XKR6: variants seen among roughly 807,000 people sequenced by gnomAD.
XKR6 encodes XK-related protein 6.
XKR6 carries 22 observed loss-of-function variants against 56.7 expected under a neutral mutation model. The observed-to-expected ratio is 0.39, with a 90% CI of 0.28 to 0.55. The LOEUF is 0.55. XKR6 is among the 20% of genes least tolerant of loss of function. XKR6 has a pLI of 0.66. For missense variants in XKR6, 852 were observed against 889.0 expected (o/e 0.96, Z 0.53); for synonymous variants, 524 against 387.8 (o/e 1.35, Z -4.13).
chr8:10,962,905 G>A (rs1055817723), intron 1 of XKR6, among the ~76,000 whole-genome samples: 1 of 152,202 alleles, frequency 6.6e-6, no homozygotes, highest in African/African-American at 2.4e-5. Context: ...TTACAGGCAT[G>A]AGCCATCGCA....
rs547897868 is a variant in XKR6 at position 10,973,813 on chromosome 8, G to C, written c.765-48983C>G. Among the ~76,000 whole-genome samples the C allele has an allele frequency of 1.6e-4, 24 of 152,292 alleles. No individual in the cohort carries two copies. In the South Asian group the frequency reaches 4.4e-3, roughly 28 times the overall value. ...TTGCCCAGGCTGGTCGTGAACTCAT[G>C]AGCTCAAGCAATCCACCCACTTCAC... On this transcript the variant is annotated intron_variant, in intron 1 of 2. Coordinates refer to ENST00000416569, the MANE Select transcript of XKR6 (RefSeq NM_173683.4).
chr8:11,045,337 C>G (rs1455432997), intron 1 of XKR6, among the ~76,000 whole-genome samples: 1 of 152,074 alleles, frequency 6.6e-6, no homozygotes, highest in Non-Finnish European at 1.5e-5. Context: ...ATCTACCCAT[C>G]TTGGCCTCCC....
intron 1 of XKR6, among the ~76,000 whole-genome samples, chr8:11,076,908 G>A (rs1344447019): frequency 6.6e-6 from 1 of 152,190 alleles, no homozygotes; most frequent in African/African-American, 2.4e-5. Context: ...TGAGCGCGGT[G>A]GCTCATGCGT....
At chr8:10,977,067 A>T (rs1418999759) in intron 1 of XKR6, among the ~76,000 whole-genome samples, 2 of 152,138 alleles carry the variant, frequency 1.3e-5, no homozygotes, top group Non-Finnish European at 1.5e-5. Context: ...GCCAGGTGAC[A>T]TGCCCAAGAT....
chr8:11,068,829 G>A (rs74328789), intron 1 of XKR6, among the ~76,000 whole-genome samples: 4,089 of 152,204 alleles, frequency 0.027, 177 homozygotes, highest in African/African-American at 0.09. Flanking sequence ...CTGCCCCCTC[G>A]GTGCCTGCTA....
chr8:11,018,262 G>T lies in XKR6; in HGVS notation c.765-93432C>A, dbSNP rs372479564. ...TAAGACTGTAACTGGTTACCATAGC[G>T]ACCTCAAGAAGCCCGGTTCATACCC... On this transcript the variant is annotated intron_variant, in intron 1 of 2. Coordinates refer to ENST00000416569, the MANE Select transcript of XKR6 (RefSeq NM_173683.4). Among the ~76,000 whole-genome samples the T allele has an allele frequency of 4.0e-5, 6 of 150,104 alleles. No individual in the cohort carries two copies. In the East Asian group the frequency reaches 1.2e-3, roughly 30 times the overall value.
chr8:11,127,600 G>T (rs1040819101), intron 1 of XKR6, among the ~76,000 whole-genome samples: 1 of 152,110 alleles, frequency 6.6e-6, no homozygotes, highest in Non-Finnish European at 1.5e-5. Context: ...AGCTAGTGGT[G>T]TAACACCTTC....
intron 1 of XKR6, among the ~76,000 whole-genome samples, chr8:11,182,489 G>C (rs1803042237): frequency 6.6e-6 from 1 of 152,186 alleles, no homozygotes; most frequent in African/African-American, 2.4e-5. Context: ...TCTGAGACTG[G>C]TCCTCAGCTG....
intron 1 of XKR6, chr8:11,002,372 C>T: frequency 3.2e-6 from 1 of 315,082 alleles, no homozygotes; most frequent in Non-Finnish European, 6.9e-6. Flanking sequence ...CAGGGGAAGG[C>T]TCAGCCAGCA....
At chr8:10,923,855 G>A (rs1025556691) in intron 2 of XKR6, among the ~76,000 whole-genome samples, 15 of 152,204 alleles carry the variant, frequency 9.9e-5, no homozygotes, top group Non-Finnish European at 2.9e-5. Flanking sequence ...GATTACACAC[G>A]CTCACTGAGC....
intron 1 of XKR6, among the ~76,000 whole-genome samples, chr8:10,945,767 G>T (rs1453356275): frequency 6.6e-6 from 1 of 152,142 alleles, no homozygotes; most frequent in African/African-American, 2.4e-5. Flanking sequence ...CAGGGCAAGG[G>T]TACGCATAGC....
At chr8:11,029,239 T>C (rs1392020033) in intron 1 of XKR6, among the ~76,000 whole-genome samples, 3 of 152,156 alleles carry the variant, frequency 2.0e-5, no homozygotes, top group Non-Finnish European at 4.4e-5. Flanking sequence ...ACACCCAACC[T>C]GGTCTTGTGC....
intron 1 of XKR6, among the ~76,000 whole-genome samples, chr8:11,186,845 T>A (rs1456714581): frequency 6.6e-6 from 1 of 152,226 alleles, no homozygotes; most frequent in Non-Finnish European, 1.5e-5. Context: ...ACATTGTTGT[T>A]ATTAGAGCTA....
chr8:10,993,214 C>T lies in XKR6; in HGVS notation c.765-68384G>A, dbSNP rs554485694. 1.1e-4 allele frequency among the ~76,000 whole-genome samples: 16 copies of T among 152,344 alleles called. No homozygotes were observed. The East Asian group carries it at 2.9e-3, about 28-fold the overall frequency. The stretch of plus-strand genomic sequence containing the variant: ...TTGGCTGGTAGCTCTCGCGCCCAGG[C>T]GAGGCTGGGATGCTTTTTATTCAAG... On this transcript the variant is annotated intron_variant, in intron 1 of 2. Transcript: ENST00000416569.
At chr8:11,171,182 A>G (rs1244122610) in intron 1 of XKR6, among the ~76,000 whole-genome samples, 1 of 152,250 alleles carries the variant, frequency 6.6e-6, no homozygotes, top group Non-Finnish European at 1.5e-5. Context: ...AGTGTGGTCC[A>G]CCACACAGCC....
chr8:10,932,862 T>C (rs1192005233), intron 1 of XKR6, among the ~76,000 whole-genome samples: 21 of 137,556 alleles, frequency 1.5e-4, no homozygotes, highest in African/African-American at 5.4e-4. Context: ...TCTTTGCTAT[T>C]GTGAATAATG....
At chr8:10,970,818 A>C (rs1229641043) in intron 1 of XKR6, among the ~76,000 whole-genome samples, 4 of 151,920 alleles carry the variant, frequency 2.6e-5, no homozygotes, top group East Asian at 3.9e-4. Flanking sequence ...AAAAAAAAAA[A>C]AAAACCTCTG....
intron 1 of XKR6, among the ~76,000 whole-genome samples, chr8:11,057,153 T>C (rs1177257245): frequency 6.6e-6 from 1 of 152,158 alleles, no homozygotes; most frequent in Non-Finnish European, 1.5e-5. Flanking sequence ...CCTCTCTTCA[T>C]GGATCCTATT....
At chr8:11,070,375 C>T (rs1436482391) in intron 1 of XKR6, among the ~76,000 whole-genome samples, 6 of 152,160 alleles carry the variant, frequency 3.9e-5, no homozygotes, top group Non-Finnish European at 7.3e-5. Flanking sequence ...TCTAAAGGAA[C>T]ATTTTTGCTA....
Sources: gnomAD v4.1 joint callset for allele counts (sites outside exome capture counted in the v4.1 genomes callset) on GRCh38, gnomAD v4.1.1 for gene constraint, MANE v1.5 for transcripts, NCBI Gene and HGNC (gene_info 2026-07-23, HGNC 2026-07-21) for gene names.